Variants in AQR observed in about 807,000 individuals in gnomAD.
AQR encodes the protein aquarius intron-binding spliceosomal factor, also known as RNA helicase aquarius.
A neutral mutation model predicts 180.5 loss-of-function variants in AQR; 61 were observed. The observed-to-expected ratio is 0.34, with a 90% CI of 0.28 to 0.42. The LOEUF is 0.42. AQR is among the 10% of genes least tolerant of loss of function. AQR has a pLI of 1.00. For synonymous variants in AQR, 551 were observed against 588.8 expected, an observed-to-expected ratio of 0.94 and a Z score of 0.93; for missense variants, 1,281 against 1,798.3, an observed-to-expected ratio of 0.71 and a Z score of 5.20.
Position 34,867,650 on chromosome 15 carries a change from C to G in AQR, c.3769-41G>C, listed in dbSNP as rs375842820. 2.7e-5 allele frequency: 37 copies of G among 1,373,052 alleles called. No individual in the cohort carries two copies. The African/African-American group carries it at 5.0e-4, about 19-fold the overall frequency. 85.1% of individuals were successfully genotyped at this position (1,373,052 alleles called of 1,614,324 possible). On this transcript the variant is annotated intron_variant, in intron 31 of 34. Transcript: ENST00000156471. ...GGAAAATATGGTGCATTTGCAAAAG[C>G]CAAAAGACACTAGAGATCATTTAAA...
chr15:34,893,607 G>GCACACACACACACACACA, intron 23 of AQR, 56 bp downstream of exon 23: 2 of 997,686 alleles, frequency 2.0e-6, no homozygotes, highest in Admixed American at 4.3e-5. Flanking sequence ...GCGCATGCGT[G>GCACACACACACACACACA]CACACACACA....
At chr15:34,959,273 C>G (rs564400823) in intron 3 of AQR, among the ~76,000 whole-genome samples, 1 of 152,160 alleles carries the variant, frequency 6.6e-6, no homozygotes, top group African/African-American at 2.4e-5. Context: ...GGTGATCCTC[C>G]CACTTCATCC....
At chr15:34,957,037 T>C (rs781025341) in intron 3 of AQR, among the ~76,000 whole-genome samples, 2 of 152,230 alleles carry the variant, frequency 1.3e-5, no homozygotes, top group South Asian at 2.1e-4. Context: ...AATTGTGTAA[T>C]GTACCATACA....
chr15:34,931,924 A>G (rs900336157), intron 11 of AQR, among the ~76,000 whole-genome samples: 2 of 152,266 alleles, frequency 1.3e-5, no homozygotes, highest in African/African-American at 2.4e-5. Flanking sequence ...GTGCATTTGC[A>G]GCTTCCTTAT....
chr15:34,894,280 T>C (rs1357062572), intron 22 of AQR, among the ~76,000 whole-genome samples: 1 of 152,062 alleles, frequency 6.6e-6, no homozygotes, highest in African/African-American at 2.4e-5. Context: ...CATTACATAT[T>C]ACAAAAAGAT....
intron 15 of AQR, among the ~76,000 whole-genome samples, chr15:34,917,741 G>T (rs1413911529): frequency 6.6e-6 from 1 of 151,900 alleles, no homozygotes; most frequent in Non-Finnish European, 1.5e-5. Context: ...CCAGCACTTT[G>T]GGAGGCTGAG....
chr15:34,859,342 C>T (rs1892636844), intron 34 of AQR, among the ~76,000 whole-genome samples: 1 of 152,128 alleles, frequency 6.6e-6, no homozygotes, highest in Non-Finnish European at 1.5e-5. Context: ...CAAAACCATA[C>T]TGAGACCACT....
intron 12 of AQR, 34 bp downstream of exon 12, chr15:34,930,224 G>A (rs755824256): frequency 3.2e-5 from 42 of 1,325,042 alleles, no homozygotes; most frequent in Non-Finnish European, 3.7e-5. Context: ...AAAACCTTAT[G>A]GAGCATACAC....
In AQR at chr15:34,878,873, C is replaced by T. The variant is rs370673237; in HGVS notation, c.3166-2867G>A. Among the ~76,000 whole-genome samples, 11 of 151,942 alleles carry T rather than the reference C, an allele frequency of 7.2e-5. 2 individuals carry two copies. Among genetic ancestry groups the T allele is most frequent in the East Asian group, 1.9e-4 (1 of 5,144 alleles). ...TAAAACACTGTCTCTACTAAAAATA[C>T]AAAAATTAGCTGGGCCTGGTGGCGG... On this transcript the variant is annotated intron_variant, in intron 27 of 34. Coordinates refer to ENST00000156471, the MANE Select transcript of AQR (RefSeq NM_014691.3).
intron 18 of AQR, among the ~76,000 whole-genome samples, chr15:34,905,801 A>G (rs1344402786): frequency 1.3e-5 from 2 of 152,194 alleles, no homozygotes; most frequent in Non-Finnish European, 2.9e-5. Flanking sequence ...AGCTTTGAAT[A>G]AAGATGATTT....
At chr15:34,870,950 C>A in intron 30 of AQR, 28 bp from the exon 31 acceptor site, 1 of 1,583,532 alleles carries the variant, frequency 6.3e-7, no homozygotes, top group Non-Finnish European at 8.6e-7. Context: ...TCAGACTGTG[C>A]ATTCATTTGC....
chr15:34,859,838 C>A (rs146289069), intron 34 of AQR, among the ~76,000 whole-genome samples: 2,427 of 152,224 alleles, frequency 0.016, 35 homozygotes, highest in Admixed American at 0.024. Context: ...TAAAATTTTA[C>A]ACTTTAAGTT....
chr15:34,898,064 C>A (rs554640752), intron 20 of AQR, among the ~76,000 whole-genome samples: 1 of 152,228 alleles, frequency 6.6e-6, no homozygotes, highest in South Asian at 2.1e-4. Context: ...AGAATTTAGA[C>A]ATTCAAAGAC....
rs2140504016 is a variant in AQR, at chr15:34,952,787, T to C, written c.209+98A>G. ...TCACAGAAATATAAATCTTCACAAATTTAGATTTTCTTAGTGACTCACAGA... is the reference window on the plus strand; with the variant it reads ...TCACAGAAATATAAATCTTCACAAACTTAGATTTTCTTAGTGACTCACAGA... On this transcript the variant is annotated intron_variant, in intron 4 of 34. Transcript: ENST00000156471. The C allele has an allele frequency of 4.8e-6, 4 of 832,684 alleles. 1 individual carries two copies. In the South Asian group the frequency reaches 6.5e-5, roughly 14 times the overall value. The allele number at this position is 832,684 out of a possible 1,614,324, so 51.6% of individuals were successfully genotyped here. A position where few individuals can be genotyped will look rare whatever the true frequency, so the allele number is the denominator to read the frequency against.
intron 4 of AQR, among the ~76,000 whole-genome samples, chr15:34,951,491 T>A (rs11637592): frequency 6.6e-6 from 1 of 151,980 alleles, no homozygotes; most frequent in Non-Finnish European, 1.5e-5. Context: ...GCCAACATGG[T>A]GAAACCTCGT....
intron 26 of AQR, among the ~76,000 whole-genome samples, chr15:34,882,981 C>G (rs1238478345): frequency 6.6e-6 from 1 of 151,898 alleles, no homozygotes; most frequent in Admixed American, 6.6e-5. Flanking sequence ...GAAATTTTAG[C>G]AAGAAACTGG....
At chr15:34,890,831 T>C (rs1893133661) in intron 23 of AQR, among the ~76,000 whole-genome samples, 1 of 152,328 alleles carries the variant, frequency 6.6e-6, no homozygotes, top group East Asian at 1.9e-4. Context: ...AGAGCACTCA[T>C]TTATTGCAAA....
At chr15:34,903,979 A>G (rs1318035919) in intron 19 of AQR, among the ~76,000 whole-genome samples, 2 of 152,108 alleles carry the variant, frequency 1.3e-5, no homozygotes, top group African/African-American at 4.8e-5. Flanking sequence ...GATTCAAAAA[A>G]GAAGCCCCAG....
At chr15:34,946,348 G>A (rs1323376417) in intron 5 of AQR, among the ~76,000 whole-genome samples, 1 of 152,110 alleles carries the variant, frequency 6.6e-6, no homozygotes, top group Non-Finnish European at 1.5e-5. Context: ...TTTTATTCAT[G>A]TAAAACTACA....
Sources: gnomAD v4.1 joint callset for allele counts (sites outside exome capture counted in the v4.1 genomes callset) on GRCh38, gnomAD v4.1.1 for gene constraint, MANE v1.5 for transcripts, NCBI Gene and HGNC (gene_info 2026-07-23, HGNC 2026-07-21) for gene names.